Variants in ARID5A observed in about 807,000 individuals in gnomAD.
ARID5A encodes AT-rich interaction domain 5A, also known as AT-rich interactive domain-containing protein 5A.
In ARID5A, 14 loss-of-function variants were observed where a neutral mutation model predicts 30.5. The ratio of observed to expected loss-of-function variants is 0.46; its 90% CI spans 0.30 to 0.72. The LOEUF is 0.72. ARID5A is among the 30% of genes least tolerant of loss of function. The probability of loss-of-function intolerance (pLI) is 0.07; values close to 1 mark genes in which losing one functional copy is unlikely to be tolerated. For missense variants in ARID5A, 669 were observed against 786.2 expected (o/e 0.85, Z 1.78); for synonymous variants, 338 against 340.4 (o/e 0.99, Z 0.08).
intron 1 of ARID5A, among the ~76,000 whole-genome samples, chr2:96,543,378 T>A (rs1394194174): frequency 1.3e-5 from 2 of 152,164 alleles, no homozygotes; most frequent in African/African-American, 2.4e-5. Flanking sequence ...CAGCATTTTT[T>A]ACTCATTGAA....
chr2:96,548,825 C>T (rs564379364), intron 2 of ARID5A, among the ~76,000 whole-genome samples: 1 of 152,250 alleles, frequency 6.6e-6, no homozygotes, highest in Non-Finnish European at 1.5e-5. Flanking sequence ...TGGGGCCACA[C>T]AGAGGCTCGG....
Position 96,549,518 on chromosome 2 carries a change from G to T in ARID5A, c.259+59G>T, listed in dbSNP as rs1301440764. ...CCAGCAGGGGACCCCGCCCAGGCAG[G>T]GCATCGGGCAGGCACTCCCACTCTG... is the stretch of plus-strand genomic sequence containing the variant. On this transcript the variant is annotated intron_variant, in intron 3 of 6. Transcript: ENST00000357485. The surrounding 1 kb of genome is among the most constrained non-coding windows in gnomAD (Gnocchi z 6.1). 2 of 1,589,360 alleles carry T rather than the reference G, an allele frequency of 1.3e-6. No homozygotes were observed. The highest frequency in any genetic ancestry group is 3.5e-5 in the Admixed American group (2 of 56,560).
rs760266778 is a variant in ARID5A, at chr2:96,551,458, C to T, written c.930C>T (p.His310=). The change falls in exon 7 of 7, where the codon CAC becomes CAT. Residue 310 remains histidine (H), a synonymous_variant. Transcript: ENST00000357485. ...SPKGLTENSR[H]RLTPQEGLQA... ...AAGGGCTGACTGAGAACTCCAGGCA[C>T]CGGCTGACCCCTCAGGAGGGATTGC... The T allele has an allele frequency of 1.2e-5, 19 of 1,589,578 alleles. No individual in the cohort carries two copies. Among genetic ancestry groups the T allele is most frequent in the Non-Finnish European group, 1.5e-5 (18 of 1,168,372 alleles).
Position 96,549,897 on chromosome 2 carries a change from G to A in ARID5A, c.312+92G>A. 6.4e-7 allele frequency: 1 copy of A among 1,550,818 alleles called. No homozygotes were observed. The highest frequency in any genetic ancestry group is 8.7e-7 in the Non-Finnish European group (1 of 1,146,582). Reference sequence around the variant, plus strand: ...TTGCCTCTGGACAGAGGAAGAGCCAGGATCCCCAGTCCTACCCCTGCGTCC... The same window carrying A: ...TTGCCTCTGGACAGAGGAAGAGCCAAGATCCCCAGTCCTACCCCTGCGTCC... On this transcript the variant is annotated intron_variant, in intron 4 of 6. Transcript: ENST00000357485. The surrounding 1 kb of genome is among the most constrained non-coding windows in gnomAD (Gnocchi z 6.1).
At chr2:96,548,722 C>T (rs1467728868) in intron 2 of ARID5A, among the ~76,000 whole-genome samples, 1 of 152,216 alleles carries the variant, frequency 6.6e-6, no homozygotes, top group Non-Finnish European at 1.5e-5. Context: ...AGAGATTGCC[C>T]CTCTGGGACC....
intron 1 of ARID5A, among the ~76,000 whole-genome samples, chr2:96,538,866 TGA>T (rs2065793635): frequency 1.3e-5 from 2 of 151,702 alleles, no homozygotes; most frequent in African/African-American, 4.9e-5. Context: ...ACACCCAGGG[TGA>T]GTGGGGCGGG....
chr2:96,548,963 A>G (rs950103683), intron 2 of ARID5A, among the ~76,000 whole-genome samples: 3 of 152,186 alleles, frequency 2.0e-5, no homozygotes, highest in Admixed American at 6.5e-5. Flanking sequence ...TGGAGTTCCT[A>G]GTCTGGCGGA....
rs1046229470 is a variant in ARID5A, at chr2:96,550,315, G to A, written c.410+30G>A. ...GGCGGGGCGGGCCCGGGTGCTGGAC[G>A]CCGCCTACCCTGCGGGGCTTTGGCC... On this transcript the variant is annotated intron_variant, in intron 5 of 6. Transcript: ENST00000357485. The surrounding 1 kb of genome is among the most constrained non-coding windows in gnomAD (Gnocchi z 6.6). 5.6e-6 allele frequency: 8 copies of A among 1,428,602 alleles called. No homozygotes were observed. The highest frequency in any genetic ancestry group is 6.4e-6 in the Non-Finnish European group (7 of 1,099,842). 88.5% of individuals were successfully genotyped at this position (1,428,602 alleles called of 1,614,324 possible).
At position 96,549,919 on chromosome 2, in the gene ARID5A, G is replaced by A. The variant is rs933340452; in HGVS notation, c.312+114G>A. ...CCAGGATCCCCAGTCCTACCCCTGCGTCCCTGCCTCCCTGCCTTCCCCGCT... is the reference window on the plus strand; with the variant it reads ...CCAGGATCCCCAGTCCTACCCCTGCATCCCTGCCTCCCTGCCTTCCCCGCT... On this transcript the variant is annotated intron_variant, in intron 4 of 6. Transcript: ENST00000357485. The surrounding 1 kb of genome is among the most constrained non-coding windows in gnomAD (Gnocchi z 6.1). 7.2e-6 allele frequency: 11 copies of A among 1,533,718 alleles called. No individual in the cohort carries two copies. The African/African-American group carries it at 1.4e-4, about 19-fold the overall frequency.
In ARID5A at chr2:96,550,282, A is replaced by AGAGGTACGGCGGGG; in HGVS notation, c.408_410+11dup. ...GCCACGTGCACGCGCCGCCACTACG[A>AGAGGTACGGCGGGG]GAGGTACGGCGGGGCGGGCCCGGGT... On this transcript the variant is annotated frameshift_variant, in exon 5 of 7. Coordinates refer to ENST00000357485, the MANE Select transcript of ARID5A (RefSeq NM_212481.3). LOFTEE classifies it high-confidence loss of function. The surrounding 1 kb of genome is among the most constrained non-coding windows in gnomAD (Gnocchi z 6.6). The AGAGGTACGGCGGGG allele has an allele frequency of 2.7e-6, 4 of 1,459,486 alleles. No homozygotes were observed. Among genetic ancestry groups the AGAGGTACGGCGGGG allele is most frequent in the Non-Finnish European group, 3.6e-6 (4 of 1,113,220 alleles). 90.4% of individuals were successfully genotyped at this position (1,459,486 alleles called of 1,614,324 possible).
At chr2:96,548,158 T>C (rs531461969) in intron 2 of ARID5A, among the ~76,000 whole-genome samples, 8 of 152,322 alleles carry the variant, frequency 5.3e-5, no homozygotes, top group Admixed American at 3.9e-4. Flanking sequence ...ATATGTGAGT[T>C]CCTATGTTGT....
chr2:96,549,419 C>T lies in ARID5A; in HGVS notation c.219C>T (p.His73=). 6.2e-7 allele frequency: 1 copy of T among 1,613,962 alleles called. No homozygotes were observed. Among genetic ancestry groups the T allele is most frequent in the Middle Eastern group, 1.7e-4 (1 of 6,010 alleles). Residue 73 remains histidine (H), a synonymous_variant, in exon 3 of 7, where the codon CAC becomes CAT. Coordinates refer to ENST00000357485, the MANE Select transcript of ARID5A (RefSeq NM_212481.3). This position sits in a 1 kb window ranked among gnomAD's most constrained non-coding sequence, Gnocchi z 6.1. ...TCTACAAGTTCATGAAGGAGCGACA[C>T]ACGCCCATCGAGAGGGTGCCCCATC... ...VSLYKFMKER[H]TPIERVPHLG...
chr2:96,546,640 G>A (rs1011268319), intron 1 of ARID5A, among the ~76,000 whole-genome samples: 19 of 152,348 alleles, frequency 1.2e-4, no homozygotes, highest in Admixed American at 2.0e-4. Flanking sequence ...GGAGCTGCCC[G>A]TGGCCAGGGG....
chr2:96,544,925 A>G (rs1195772499), intron 1 of ARID5A, among the ~76,000 whole-genome samples: 3 of 152,304 alleles, frequency 2.0e-5, no homozygotes, highest in East Asian at 1.9e-4. Flanking sequence ...TTTGATTCCA[A>G]CCTTCCTGGA....
chr2:96,546,172 G>A (rs2065924646), intron 1 of ARID5A, among the ~76,000 whole-genome samples: 1 of 152,166 alleles, frequency 6.6e-6, no homozygotes, highest in Non-Finnish European at 1.5e-5. Context: ...GGCTTACGCT[G>A]GTTTGGGTTT....
chr2:96,541,120 C>T (rs1450055286), intron 1 of ARID5A, among the ~76,000 whole-genome samples: 2 of 151,840 alleles, frequency 1.3e-5, no homozygotes, highest in Non-Finnish European at 2.9e-5. Context: ...TCACTGCAAC[C>T]TCCACCTCCT....
At position 96,550,807 on chromosome 2, in the gene ARID5A, C is replaced by T. The variant is rs1164342374; in HGVS notation, c.570+74C>T. The T allele has an allele frequency of 2.5e-5, 37 of 1,468,732 alleles. No homozygotes were observed. Among genetic ancestry groups the T allele is most frequent in the Non-Finnish European group, 3.3e-5 (36 of 1,106,250 alleles). The allele number at this position is 1,468,732 out of a possible 1,614,324, so 91.0% of individuals were successfully genotyped here. ...CCCCTACCCCACAACTCCCTGTGGCCGCGGAGCTGTCTGCTCAGAATACAC... is the reference window on the plus strand; with the variant it reads ...CCCCTACCCCACAACTCCCTGTGGCTGCGGAGCTGTCTGCTCAGAATACAC... On this transcript the variant is annotated intron_variant, in intron 6 of 6. Transcript: ENST00000357485. This position sits in a 1 kb window ranked among gnomAD's most constrained non-coding sequence, Gnocchi z 6.6.
At chr2:96,541,284 C>T (rs2065841633) in intron 1 of ARID5A, among the ~76,000 whole-genome samples, 1 of 152,234 alleles carries the variant, frequency 6.6e-6, no homozygotes, top group African/African-American at 2.4e-5. Context: ...GATCTGCCCG[C>T]CTCGGCCTCC....
intron 1 of ARID5A, among the ~76,000 whole-genome samples, chr2:96,546,979 A>G (rs1433203014): frequency 3.3e-5 from 5 of 152,026 alleles, no homozygotes; most frequent in Non-Finnish European, 4.4e-5. Context: ...CTTGACCTCA[A>G]GGTGGTTTTG....
Sources: gnomAD v4.1 joint callset for allele counts (sites outside exome capture counted in the v4.1 genomes callset) on GRCh38, gnomAD v4.1.1 for gene constraint, Gnocchi (gnomAD v3.1) non-coding constraint, MANE v1.5 for transcripts, NCBI Gene and HGNC (gene_info 2026-07-23, HGNC 2026-07-21) for gene names.